The following SMIM14 variants were observed in gnomAD, a reference collection of about 807,000 sequenced individuals.
SMIM14 encodes chromosome 4 open reading frame 34.
Under a neutral mutation model 12.6 loss-of-function variants are expected in SMIM14, and 5 were observed. The ratio of observed to expected loss-of-function variants is 0.40; its 90% confidence interval spans 0.21 to 0.83. The LOEUF (loss-of-function observed/expected upper bound fraction) is 0.83, where lower values mean the gene tolerates loss of function less well. SMIM14 is among the 40% of genes least tolerant of loss of function. The pLI, the probability that SMIM14 is intolerant of heterozygous loss-of-function variation, is 0.37. For synonymous variants in SMIM14, 30 were observed against 40.1 expected (o/e 0.75, Z 0.95); for missense variants, 86 against 119.1 (o/e 0.72, Z 1.29).
chr4:39,629,123 G>C (rs923151143), intron 1 of SMIM14, among the ~76,000 whole-genome samples: 1 of 151,878 alleles, frequency 6.6e-6, no homozygotes, highest in African/African-American at 2.4e-5. Flanking sequence ...CACTTTGGGA[G>C]GCCAAGCTGG....
chr4:39,584,497 A>AAAAAAAAAG, intron 2 of SMIM14, among the ~76,000 whole-genome samples: 1 of 141,588 alleles, frequency 7.1e-6, no homozygotes, highest in Non-Finnish European at 1.6e-5. Flanking sequence ...AAAAAAAAAA[A>AAAAAAAAAG]AAAAAAAAGA....
intron 4 of SMIM14, 120 bp from the exon 5 acceptor site, chr4:39,552,278 G>C (rs1270421961): frequency 1.4e-6 from 1 of 706,432 alleles, no homozygotes; most frequent in African/African-American, 1.8e-5. Flanking sequence ...CTAACACATA[G>C]AGAAACAACT....
At chr4:39,609,567 A>T (rs1714950013) in intron 1 of SMIM14, among the ~76,000 whole-genome samples, 1 of 152,168 alleles carries the variant, frequency 6.6e-6, no homozygotes, top group South Asian at 2.1e-4. Flanking sequence ...GACATGTTGG[A>T]GGAACTGAAA....
At chr4:39,600,753 C>G (rs1424145524) in intron 2 of SMIM14, among the ~76,000 whole-genome samples, 2 of 151,846 alleles carry the variant, frequency 1.3e-5, no homozygotes, top group Non-Finnish European at 2.9e-5. Flanking sequence ...TGCCTGTAGT[C>G]CCAGCTACTC....
At chr4:39,620,925 CTATT>C (rs1409694694) in intron 1 of SMIM14, 1 of 152,122 alleles carries the variant, frequency 6.6e-6, no homozygotes, top group Non-Finnish European at 1.5e-5. Flanking sequence ...CAAAATATAT[CTATT>C]TATATTTATA....
intron 1 of SMIM14, among the ~76,000 whole-genome samples, chr4:39,629,358 C>A (rs1303552264): frequency 4.2e-4 from 25 of 59,248 alleles, no homozygotes; most frequent in Non-Finnish European, 7.3e-4. Flanking sequence ...AAGACTCTGT[C>A]TCAAAAAAAA....
intron 1 of SMIM14, among the ~76,000 whole-genome samples, chr4:39,637,866 C>G (rs1716158870): frequency 6.6e-6 from 1 of 152,242 alleles, no homozygotes; most frequent in South Asian, 2.1e-4. Flanking sequence ...GACAATAACA[C>G]ACACAAACTG....
chr4:39,547,028 G>A lies in SMIM14; in HGVS notation c.*5098C>T, dbSNP rs1747371238. 6.6e-6 allele frequency: 1 copy of A among 152,102 alleles called. No individual in the cohort carries two copies. Among genetic ancestry groups the A allele is most frequent in the Non-Finnish European group, 1.5e-5 (1 of 68,016 alleles). 9.4% of individuals were successfully genotyped at this position (152,102 alleles called of 1,614,324 possible). A position where few individuals can be genotyped will look rare whatever the true frequency, so the allele number is the denominator to read the frequency against. ...TCAAAGTAAATGTCTATTTTACCTG[G>A]TATTCTAGGAAGAGAGAGAGAAAGA... On this transcript the variant is annotated 3_prime_UTR_variant, in exon 5 of 5. Coordinates refer to ENST00000295958, the MANE Select transcript of SMIM14 (RefSeq NM_174921.3).
intron 2 of SMIM14, among the ~76,000 whole-genome samples, chr4:39,575,935 CAAG>C (rs1713147379): frequency 6.8e-6 from 1 of 147,080 alleles, no homozygotes; most frequent in Admixed American, 6.8e-5. Context: ...ACTCTGTCAC[CAAG>C]GTTGGAGTGC....
intron 2 of SMIM14, among the ~76,000 whole-genome samples, chr4:39,579,950 G>A (rs762746394): frequency 3.3e-5 from 5 of 151,866 alleles, no homozygotes; most frequent in Non-Finnish European, 7.4e-5. Flanking sequence ...GCTTCCATGA[G>A]GAAACTTAGG....
intron 2 of SMIM14, among the ~76,000 whole-genome samples, chr4:39,590,751 C>T (rs559668130): frequency 2.0e-5 from 3 of 149,230 alleles, no homozygotes; most frequent in African/African-American, 7.4e-5. Flanking sequence ...GCTGTGAGCC[C>T]AGATTGCGCC....
intron 1 of SMIM14, among the ~76,000 whole-genome samples, chr4:39,624,549 C>T (rs372848301): frequency 7.6e-4 from 116 of 152,220 alleles, no homozygotes; most frequent in African/African-American, 2.7e-3. Context: ...TTTGGCCAGG[C>T]GCAGTGGCTC....
chr4:39,547,538 A>ATATT lies in SMIM14; in HGVS notation c.*4584_*4587dup, dbSNP rs1214900487. 1 of 152,230 alleles carries ATATT rather than the reference A, an allele frequency of 6.6e-6. No homozygotes were observed. The highest frequency in any genetic ancestry group is 1.5e-5 in the Non-Finnish European group (1 of 68,040). The allele number at this position is 152,230 out of a possible 1,614,324, so 9.4% of individuals were successfully genotyped here. ...AATACCTATGATTTTTCATTTAGAAATATTATAAGAAGACTAAACTTACTA... is the reference window on the plus strand; with the variant it reads ...AATACCTATGATTTTTCATTTAGAAATATTTATTATAAGAAGACTAAACTTACTA... On this transcript the variant is annotated 3_prime_UTR_variant, in exon 5 of 5. Transcript: ENST00000295958.
chr4:39,611,433 G>C (rs142946778), intron 1 of SMIM14, among the ~76,000 whole-genome samples: 15 of 152,120 alleles, frequency 9.9e-5, no homozygotes, highest in East Asian at 5.8e-4. Context: ...TTGAACTCGG[G>C]GGGTGGAGGT....
intron 2 of SMIM14, chr4:39,593,035 C>A (rs1245615660): frequency 1.3e-5 from 2 of 151,784 alleles, no homozygotes; most frequent in Non-Finnish European, 2.9e-5. Flanking sequence ...AAGAGGGAAT[C>A]CTCCCTAACT....
intron 1 of SMIM14, among the ~76,000 whole-genome samples, chr4:39,606,162 C>G (rs1714796389): frequency 6.6e-6 from 1 of 151,062 alleles, no homozygotes; most frequent in Admixed American, 6.6e-5. Context: ...CCTGGGCAAC[C>G]TAGTGAGACC....
chr4:39,634,289 G>A (rs572081261), intron 1 of SMIM14, among the ~76,000 whole-genome samples: 1 of 152,276 alleles, frequency 6.6e-6, no homozygotes, highest in African/African-American at 2.4e-5. Context: ...ACAAAACAAC[G>A]GACTTCATTA....
chr4:39,591,305 C>T (rs988494673), intron 2 of SMIM14, among the ~76,000 whole-genome samples: 13 of 151,842 alleles, frequency 8.6e-5, no homozygotes, highest in East Asian at 3.9e-4. Context: ...GAAAAAAGTC[C>T]GTGATATGAG....
intron 3 of SMIM14, among the ~76,000 whole-genome samples, chr4:39,568,234 G>A (rs999627312): frequency 4.6e-5 from 7 of 150,752 alleles, no homozygotes; most frequent in African/African-American, 1.7e-4. Flanking sequence ...AGCCAAGATT[G>A]TGCCACTACA....
Sources: gnomAD v4.1 joint callset for allele counts (sites outside exome capture counted in the v4.1 genomes callset) on GRCh38, gnomAD v4.1.1 for gene constraint, MANE v1.5 for transcripts, NCBI Gene and HGNC (gene_info 2026-07-23, HGNC 2026-07-21) for gene names.